Variants in FRMPD4 observed in about 807,000 individuals in gnomAD.
FRMPD4 encodes FERM and PDZ domain containing 4.
In FRMPD4, 22 loss-of-function variants were observed where a neutral mutation model predicts 94.1. That is an observed-to-expected ratio of 0.23 (90% CI 0.17 to 0.33). FRMPD4 has a LOEUF of 0.33. FRMPD4 is among the 10% of genes least tolerant of loss of function. FRMPD4 has a pLI of 1.00. For synonymous variants in FRMPD4, 631 were observed against 548.6 expected, an observed-to-expected ratio of 1.15 and a Z score of -2.10; for missense variants, 1,111 against 1,339.9, an observed-to-expected ratio of 0.83 and a Z score of 2.67.
chrX:12,241,865 C>T (rs899819091), intron 1 of FRMPD4, among the ~76,000 whole-genome samples: 1 of 108,349 alleles, frequency 9.2e-6, no homozygotes, highest in African/African-American at 3.4e-5. Flanking sequence ...CGCACCACTG[C>T]ACTCCAGCCT....
At chrX:12,444,176 G>GA (rs112303790) in intron 1 of FRMPD4, among the ~76,000 whole-genome samples, 246 of 99,177 alleles carry the variant, frequency 2.5e-3, no homozygotes, top group African/African-American at 6.8e-3. Context: ...AGCAGAGAAA[G>GA]AAAAAAAAAA....
At position 12,716,739 on chromosome X, in the gene FRMPD4, C is replaced by T. The variant is rs780060901; in HGVS notation, c.2280C>T (p.Leu760=). The T allele has an allele frequency of 1.0e-4, 124 of 1,209,621 alleles. No individual in the cohort carries two copies. Among genetic ancestry groups the T allele is most frequent in the Non-Finnish European group, 1.3e-4 (118 of 894,780 alleles). Residue 760 remains leucine (L), a synonymous_variant, in exon 15 of 17, where the codon CTC becomes CTT. Transcript: ENST00000675598. ...DEDEVSCEED[L]VVGEMNQPAI... ...ACGAGGTGAGCTGCGAGGAGGACCT[C>T]GTGGTGGGGGAGATGAACCAGCCGG...
At chrX:12,611,413 T>C (rs1216358199) in intron 3 of FRMPD4, among the ~76,000 whole-genome samples, 1 of 111,819 alleles carries the variant, frequency 8.9e-6, no homozygotes, top group Non-Finnish European at 1.9e-5. Flanking sequence ...TTAGCTTCCA[T>C]GTTAAATTCC....
chrX:12,657,825 A>C (rs1363720981), intron 4 of FRMPD4, among the ~76,000 whole-genome samples: 1 of 112,516 alleles, frequency 8.9e-6, no homozygotes, highest in Non-Finnish European at 1.9e-5. Context: ...ACTTTACTAA[A>C]CTGCAGGTTC....
In FRMPD4 at chrX:12,707,633, C is replaced by G. The variant is rs372073451; in HGVS notation, c.1452C>G (p.Leu484=). 202 of 1,202,694 alleles carry G rather than the reference C, an allele frequency of 1.7e-4. No homozygotes were observed. Among genetic ancestry groups the G allele is most frequent in the Non-Finnish European group, 2.2e-4 (192 of 891,256 alleles). Residue 484 remains leucine (L), a synonymous_variant, in exon 13 of 17, where the codon CTC becomes CTG. Transcript: ENST00000675598. ...AGGAGAGCTTGGTGCGGGTAGAACT[C>G]CACGTGCTAGATGTGAAGGCAAGTT... ...SEEESLVRVE[L]HVLDVKPITL...
chrX:11,907,730 G>T (rs765157376), intron 3 of FRMPD4, among the ~76,000 whole-genome samples: 2 of 111,743 alleles, frequency 1.8e-5, no homozygotes, highest in South Asian at 7.6e-4. Flanking sequence ...AATACTGAGG[G>T]GACACAAACA....
chrX:12,640,711 G>A (rs1410301705), intron 4 of FRMPD4, among the ~76,000 whole-genome samples: 1 of 111,605 alleles, frequency 9.0e-6, no homozygotes, highest in Non-Finnish European at 1.9e-5. Flanking sequence ...TTTTAATCTG[G>A]TCTGTTTCTT....
intron 3 of FRMPD4, among the ~76,000 whole-genome samples, chrX:12,024,587 T>C (rs898922215): frequency 3.6e-5 from 4 of 112,113 alleles, no homozygotes; most frequent in African/African-American, 1.3e-4. Context: ...TGTTTTCACA[T>C]TTTAGAAAGG....
At chrX:12,173,696 G>C (rs1013344898) in intron 1 of FRMPD4, among the ~76,000 whole-genome samples, 1 of 111,171 alleles carries the variant, frequency 9.0e-6, no homozygotes, top group African/African-American at 3.3e-5. Context: ...CATTAAAGTG[G>C]GGCCTCTGGT....
intron 1 of FRMPD4, among the ~76,000 whole-genome samples, chrX:12,217,718 T>G (rs899907476): frequency 1.3e-4 from 15 of 111,860 alleles, no homozygotes; most frequent in Admixed American, 1.2e-3. Flanking sequence ...GTAAATAAAG[T>G]TTTATTGGAA....
chrX:12,283,617 C>A (rs1601777120), intron 1 of FRMPD4, among the ~76,000 whole-genome samples: 1 of 104,533 alleles, frequency 9.6e-6, no homozygotes, highest in African/African-American at 3.7e-5. Context: ...TTCTCTGTAA[C>A]AATGTGAACC....
At chrX:12,124,176 C>T (rs2055480145) in intron 3 of FRMPD4, among the ~76,000 whole-genome samples, 1 of 112,288 alleles carries the variant, frequency 8.9e-6, no homozygotes, top group Non-Finnish European at 1.9e-5. Flanking sequence ...TTATCACTTA[C>T]TTAGCAAAAC....
At chrX:12,404,105 A>T (rs1416685640) in intron 1 of FRMPD4, among the ~76,000 whole-genome samples, 1 of 112,549 alleles carries the variant, frequency 8.9e-6, no homozygotes, top group Non-Finnish European at 1.9e-5. Flanking sequence ...AGGTTTCACC[A>T]TATCTGTACT....
Position 12,657,116 on chromosome X carries a change from T to C in FRMPD4, c.423-17747T>C, listed in dbSNP as rs1031235648. Among the ~76,000 whole-genome samples, 4 of 109,798 alleles carry C rather than the reference T, an allele frequency of 3.6e-5. No homozygotes were observed. In the Admixed American group the frequency reaches 3.9e-4, roughly 11 times the overall value. On this transcript the variant is annotated intron_variant, in intron 4 of 16. Coordinates refer to ENST00000675598, the MANE Select transcript of FRMPD4 (RefSeq NM_001368397.1). The stretch of plus-strand genomic sequence containing the variant: ...AAAAAAAAACAAAAACCTCAAAACT[T>C]AGGAGCTTAAATCAACAACATTATT...
chrX:12,274,736 G>A (rs1403423109), intron 1 of FRMPD4, among the ~76,000 whole-genome samples: 4 of 112,619 alleles, frequency 3.6e-5, no homozygotes, highest in African/African-American at 9.7e-5. Context: ...AAGGCGGGGC[G>A]CGGTGGCCCA....
At chrX:12,525,001 T>C (rs1183639363) in intron 2 of FRMPD4, among the ~76,000 whole-genome samples, 1 of 111,652 alleles carries the variant, frequency 9.0e-6, no homozygotes, top group Non-Finnish European at 1.9e-5. Flanking sequence ...TTAGTGTTAG[T>C]GTATTTCATG....
intron 3 of FRMPD4, among the ~76,000 whole-genome samples, chrX:12,051,389 C>G (rs185668974): frequency 3.6e-5 from 4 of 111,392 alleles, no homozygotes; most frequent in Admixed American, 9.5e-5. Flanking sequence ...TTAGATAAAA[C>G]CTTTTATGAT....
At chrX:12,649,717 G>A (rs766087010) in intron 4 of FRMPD4, among the ~76,000 whole-genome samples, 3 of 112,398 alleles carry the variant, frequency 2.7e-5, no homozygotes, top group African/African-American at 6.5e-5. Context: ...TACTTTACAC[G>A]GTGCTTAGCA....
At chrX:12,536,232 T>A (rs1454315769) in intron 2 of FRMPD4, among the ~76,000 whole-genome samples, 1 of 110,110 alleles carries the variant, frequency 9.1e-6, no homozygotes, top group Non-Finnish European at 1.9e-5. Flanking sequence ...ATGGATTGAA[T>A]AAAATCTAAT....
Sources: allele counts gnomAD v4.1 joint callset (sites outside exome capture counted in the v4.1 genomes callset), GRCh38; gene constraint gnomAD v4.1.1; transcripts MANE v1.5; gene names NCBI Gene and HGNC (gene_info 2026-07-23, HGNC 2026-07-21).